The following NOP56 variants were observed in gnomAD, a reference collection of about 807,000 sequenced individuals.
The protein encoded by NOP56 is nucleolar protein 56.
Under a neutral mutation model 58.3 loss-of-function variants are expected in NOP56, and 31 were observed. The ratio of observed to expected loss-of-function variants is 0.53; its 90% CI spans 0.40 to 0.72. The LOEUF (loss-of-function observed/expected upper bound fraction) is 0.72, where lower values mean the gene tolerates loss of function less well. Ranked by LOEUF, NOP56 falls within the 30% of genes least tolerant of loss-of-function variation. The probability of loss-of-function intolerance (pLI) is 0.00; values close to 1 mark genes in which losing one functional copy is unlikely to be tolerated. For missense variants in NOP56, 669 were observed against 739.9 expected, an observed-to-expected ratio of 0.90 and a Z score of 1.11; for synonymous variants, 313 against 282.8, an observed-to-expected ratio of 1.11 and a Z score of -1.07.
chr20:2,654,701 G>A, intron 4 of NOP56, 48 bp from the exon 5 acceptor site: 1 of 1,610,354 alleles, frequency 6.2e-7, no homozygotes, highest in Non-Finnish European at 8.5e-7. Context: ...GTGGGTGCGG[G>A]AGCTAGCTCA....
chr20:2,656,859 A>G lies in NOP56; in HGVS notation c.1245A>G (p.Arg415=), dbSNP rs1600160477. The G allele has an allele frequency of 6.2e-7, 1 of 1,614,202 alleles. No homozygotes were observed. Among genetic ancestry groups the G allele is most frequent in the Non-Finnish European group, 8.5e-7 (1 of 1,180,038 alleles). The change falls in exon 10 of 12, where the codon CGA becomes CGG. Residue 415 remains arginine (R), a synonymous_variant. Transcript: ENST00000329276. ...TCTATGAGACTGGAGAGATACCACGAAAGAATCTGGATGTCATGAAGGAAG... is the reference window on the plus strand; with the variant it reads ...TCTATGAGACTGGAGAGATACCACGGAAGAATCTGGATGTCATGAAGGAAG... The part of the protein sequence containing the change: ...LSFYETGEIP[R]KNLDVMKEAM...
intron 3 of NOP56, 57 bp downstream of exon 3, chr20:2,653,450 C>A: frequency 6.9e-7 from 1 of 1,442,190 alleles, no homozygotes; most frequent in Non-Finnish European, 9.8e-7. Flanking sequence ...GGTATCCTCT[C>A]GGGCAGCTTG....
intron 2 of NOP56, 112 bp downstream of exon 2, chr20:2,653,043 C>A: frequency 1.0e-6 from 1 of 1,004,170 alleles, no homozygotes; most frequent in Non-Finnish European, 1.5e-6. Flanking sequence ...GGCGGGGGGA[C>A]GGGCCTGGAA....
chr20:2,658,257 A>G lies in NOP56; in HGVS notation c.1748A>G (p.Lys583Arg), dbSNP rs1386608180. The part of the protein sequence containing the change: ...EEAVGKSSSK[K>R]KKKFHKASQE... ...GCGGTTGGCAAGAGCAGCTCCAAGA[A>G]GAAGAAAAAGTTCCATAAAGCATCC... Residue 583 changes from lysine (K) to arginine (R), a missense_variant, in exon 12 of 12, where the codon AAG becomes AGG. Physicochemically the swap from Lys to Arg is conservative, Grantham distance 26 (BLOSUM62 2). Transcript: ENST00000329276. The G allele has an allele frequency of 6.3e-7, 1 of 1,596,636 alleles. No homozygotes were observed. The highest frequency in any genetic ancestry group is 8.5e-7 in the Non-Finnish European group (1 of 1,171,788).
chr20:2,656,827 C>G lies in NOP56; in HGVS notation c.1213C>G (p.Leu405Val), dbSNP rs781639146. 6.2e-7 allele frequency: 1 copy of G among 1,614,178 alleles called. No individual in the cohort carries two copies. Among genetic ancestry groups the G allele is most frequent in the South Asian group, 1.1e-5 (1 of 91,076 alleles). ...GCTTCGAGAACAAGTTGAAGAGCGA[C>G]TGTCCTTCTATGAGACTGGAGAGAT... is the stretch of plus-strand genomic sequence containing the variant. ...EKLREQVEER[L>V]SFYETGEIPR... Residue 405 changes from leucine to valine, a missense_variant, in exon 10 of 12, where the codon CTG (leucine) becomes GTG (valine). This residue lies in a region of NOP56 where 339 missense variants were observed against 430.5 expected (regional missense o/e 0.79). Transcript: ENST00000329276.
Position 2,655,949 on chromosome 20 carries a change from A to G in NOP56, c.925A>G (p.Ile309Val), listed in dbSNP as rs754306599. 84 of 1,614,076 alleles carry G rather than the reference A, an allele frequency of 5.2e-5. No individual in the cohort carries two copies. Among genetic ancestry groups the G allele is most frequent in the Non-Finnish European group, 6.9e-5 (81 of 1,180,036 alleles). ...CTCTCTCCAGGTAGGTGCACGTCTC[A>G]TCGCACATGCTGGCAGCCTCACCAA... Reference protein sequence around the residue: ...LIGEAVGARLIAHAGSLTNLA... With the variant: ...LIGEAVGARLVAHAGSLTNLA... Residue 309 changes from isoleucine to valine, a missense_variant, in exon 8 of 12, where the codon ATC (isoleucine) becomes GTC (valine). Coordinates refer to ENST00000329276, the MANE Select transcript of NOP56 (RefSeq NM_006392.4).
At position 2,657,997 on chromosome 20, in the gene NOP56, G is replaced by A. The variant is rs772870277; in HGVS notation, c.1488G>A (p.Met496Ile). 1 of 1,611,778 alleles carries A rather than the reference G, an allele frequency of 6.2e-7. No individual in the cohort carries two copies. The highest frequency in any genetic ancestry group is 1.1e-5 in the South Asian group (1 of 90,974). The change falls in exon 12 of 12, where the codon ATG (methionine) becomes ATA (isoleucine). Residue 496 changes from methionine (M) to isoleucine (I), a missense_variant. Around this residue, in one of 3 missense-constraint regions of NOP56, gnomAD observed 209 missense variants for 196.2 expected, o/e 1.07. Coordinates refer to ENST00000329276, the MANE Select transcript of NOP56 (RefSeq NM_006392.4). ...AGGAGGTTCCTCAGGAGAATGGAAT[G>A]GAAGACCCATCTATCTCTTTCTCCA... ...KPQEVPQENG[M>I]EDPSISFSKP...
intron 3 of NOP56, chr20:2,654,039 C>T (rs1004885087): frequency 2.4e-6 from 1 of 413,782 alleles, no homozygotes; most frequent in Non-Finnish European, 4.9e-6. Context: ...GTCTGGTTCT[C>T]TGCTTTCTGT....
At chr20:2,655,283 G>C (rs755080306) in intron 5 of NOP56, 42 bp from the exon 6 acceptor site, 4 of 1,612,018 alleles carry the variant, frequency 2.5e-6, no homozygotes, top group Non-Finnish European at 3.4e-6. Flanking sequence ...TATGGTTTTT[G>C]ATGAAGCAGC....
At chr20:2,654,238 CT>C in intron 3 of NOP56, 175 bp from the exon 4 acceptor site, 1 of 790,222 alleles carries the variant, frequency 1.3e-6, no homozygotes, top group Non-Finnish European at 2.3e-6. Context: ...CGAATCAAAT[CT>C]GTCAATCCCC....
intron 1 of NOP56, 41 bp downstream of exon 1, chr20:2,652,704 GGTTTCGGCCTGC>G: frequency 6.8e-7 from 1 of 1,471,504 alleles, no homozygotes. Context: ...CGACGGTGGG[GGTTTCGGCCTGC>G]GTTCGGGCCG....
chr20:2,652,635 G>A lies in NOP56; in HGVS notation c.-26G>A, dbSNP rs1234333030. On this transcript the variant is annotated 5_prime_UTR_variant, in exon 1 of 12. Coordinates refer to ENST00000329276, the MANE Select transcript of NOP56 (RefSeq NM_006392.4). The stretch of plus-strand genomic sequence containing the variant: ...CGCGCCGGAGCGCGCTAGCCGCATT[G>A]CGAGCCGAACCCGGGAGCTGGCGCC... 5 of 1,405,768 alleles carry A rather than the reference G, an allele frequency of 3.6e-6. No homozygotes were observed. Among genetic ancestry groups the A allele is most frequent in the Non-Finnish European group, 4.6e-6 (5 of 1,087,884 alleles). 87.1% of individuals were successfully genotyped at this position (1,405,768 alleles called of 1,614,324 possible).
In NOP56 at chr20:2,656,503, C is replaced by T. The variant is rs2086819233; in HGVS notation, c.1113C>T (p.Tyr371=). 2 of 1,614,060 alleles carry T rather than the reference C, an allele frequency of 1.2e-6. No homozygotes were observed. Among genetic ancestry groups the T allele is most frequent in the Admixed American group, 3.3e-5 (2 of 60,000 alleles). The change falls in exon 9 of 12, where the codon TAC becomes TAT. Residue 371 remains tyrosine, a synonymous_variant. Transcript: ENST00000329276. Reference sequence around the variant, plus strand: ...AGAACAAAGGCCGCATCTCCCGATACCTGGCAAACAAATGCAGTATTGCCT... The same window carrying T: ...AGAACAAAGGCCGCATCTCCCGATATCTGGCAAACAAATGCAGTATTGCCT... ...AAKNKGRISR[Y]LANKCSIASR...
At chr20:2,657,506 T>A in intron 11 of NOP56, 1 of 634,532 alleles carries the variant, frequency 1.6e-6, no homozygotes, top group South Asian at 1.6e-5. Context: ...AAATTCCTGC[T>A]CTGCTTATTA....
chr20:2,656,289 T>C, intron 8 of NOP56, 112 bp from the exon 9 acceptor site: 1 of 1,603,684 alleles, frequency 6.2e-7, no homozygotes, highest in Non-Finnish European at 8.5e-7. Flanking sequence ...AGATCCAATC[T>C]GGCCTGAGGC....
In NOP56 at chr20:2,652,758, C is replaced by CCTGG. The variant is rs55762518; in HGVS notation, c.4-84_4-83insCTGG. 163 of 1,196,044 alleles carry CCTGG rather than the reference C, an allele frequency of 1.4e-4. 4 individuals are homozygous for CCTGG. The highest frequency in any genetic ancestry group is 1.2e-3 in the South Asian group (85 of 72,576). The allele number at this position is 1,196,044 out of a possible 1,614,324, so 74.1% of individuals were successfully genotyped here. On this transcript the variant is annotated intron_variant, in intron 1 of 11. Coordinates refer to ENST00000329276, the MANE Select transcript of NOP56 (RefSeq NM_006392.4). Reference sequence around the variant, plus strand: ...GGGCCTGGGCCTGGGCCTGGGCCTGCGCCTGCGCCTGCGCCTGCCCTGGGA... The same window carrying CCTGG: ...GGGCCTGGGCCTGGGCCTGGGCCTGCCTGGGCCTGCGCCTGCGCCTGCCCTGGGA...
At chr20:2,655,781 G>A (rs1051454834) in intron 7 of NOP56, 35 bp downstream of exon 7, 2 of 1,614,040 alleles carry the variant, frequency 1.2e-6, no homozygotes, top group African/African-American at 2.7e-5. Context: ...GGGAGAATAA[G>A]GACTGTTGCC....
At chr20:2,654,370 TC>T (rs768542603) in intron 3 of NOP56, 43 bp from the exon 4 acceptor site, 1 of 1,610,544 alleles carries the variant, frequency 6.2e-7, no homozygotes, top group South Asian at 1.1e-5. Flanking sequence ...TTAGAGTTGA[TC>T]GTCCTTCAGC....
rs750451811 is a variant in NOP56 at position 2,658,089 on chromosome 20, G to A, written c.1580G>A (p.Gly527Asp). The A allele has an allele frequency of 6.2e-7, 1 of 1,614,088 alleles. No homozygotes were observed. Among genetic ancestry groups the A allele is most frequent in the South Asian group, 1.1e-5 (1 of 91,080 alleles). The change falls in exon 12 of 12, where the codon GGC becomes GAC. Residue 527 changes from glycine to aspartate, a missense_variant. By Grantham distance (94) the Gly-to-Asp change is moderately conservative. This residue lies in a region of NOP56 where 209 missense variants were observed against 196.2 expected (regional missense o/e 1.07). Coordinates refer to ENST00000329276, the MANE Select transcript of NOP56 (RefSeq NM_006392.4). Reference protein sequence around the residue: ...LMSSDLEETAGSTSIPKRKKS... With the variant: ...LMSSDLEETADSTSIPKRKKS... ...AGTAGCGATCTTGAAGAGACCGCTG[G>A]CAGCACCAGTATTCCCAAGAGGAAG...
Sources: allele counts gnomAD v4.1 joint callset, GRCh38; gene constraint gnomAD v4.1.1; regional missense constraint gnomAD v4.1.1; transcripts MANE v1.5; gene names NCBI Gene and HGNC (gene_info 2026-07-23, HGNC 2026-07-21).